Variants in TNS1 observed in about 807,000 individuals in gnomAD.
The protein encoded by TNS1 is tensin-1.
Under a neutral mutation model 168.6 loss-of-function variants are expected in TNS1, and 62 were observed. The observed-to-expected ratio is 0.37, with a 90% CI of 0.30 to 0.45. The LOEUF (loss-of-function observed/expected upper bound fraction) is 0.45. TNS1 is among the 20% of genes least tolerant of loss of function. The pLI, the probability that TNS1 is intolerant of heterozygous loss-of-function variation, is 1.00. For synonymous variants in TNS1, 934 were observed against 933.2 expected (o/e 1.00, Z -0.02); for missense variants, 2,240 against 2,339.4 (o/e 0.96, Z 0.88).
At chr2:218,003,543 C>T (rs1056878386), upstream of TNS1, among the ~76,000 whole-genome samples, 1 of 152,154 alleles carries the variant, frequency 6.6e-6, no homozygotes, top group African/African-American at 2.4e-5. Flanking sequence ...CAGGCCTTAA[C>T]ACAGAAGAAA....
At chr2:217,899,181 G>T (rs1161887875) in intron 7 of TNS1, among the ~76,000 whole-genome samples, 2 of 152,218 alleles carry the variant, frequency 1.3e-5, no homozygotes, top group Non-Finnish European at 2.9e-5. Flanking sequence ...GGGGTGTGGA[G>T]ATGGGGCAGC....
chr2:217,943,835 A>G (rs1417592296), intron 3 of TNS1: 1 of 152,824 alleles, frequency 6.5e-6, no homozygotes, highest in Non-Finnish European at 1.5e-5. Flanking sequence ...ACACACGTAC[A>G]CCATCACACA....
At chr2:217,993,884 G>A (rs911927222) in intron 1 of TNS1, among the ~76,000 whole-genome samples, 1 of 152,222 alleles carries the variant, frequency 6.6e-6, no homozygotes, top group African/African-American at 2.4e-5. Flanking sequence ...AGTTCTGGAG[G>A]GGACAAATGT....
At chr2:217,904,804 G>C (rs544346422) in intron 6 of TNS1, among the ~76,000 whole-genome samples, 35 of 152,352 alleles carry the variant, frequency 2.3e-4, no homozygotes, top group African/African-American at 7.2e-4. Flanking sequence ...ATCTGGCCCA[G>C]ACTGGGGATG....
At chr2:217,950,043 G>C (rs1446104005) in intron 3 of TNS1, among the ~76,000 whole-genome samples, 1 of 152,178 alleles carries the variant, frequency 6.6e-6, no homozygotes, top group Non-Finnish European at 1.5e-5. Context: ...GACCAAAGGA[G>C]ATAAGAATTC....
intron 3 of TNS1, among the ~76,000 whole-genome samples, chr2:217,959,416 T>G (rs1051725167): frequency 6.6e-6 from 1 of 152,146 alleles, no homozygotes; most frequent in Admixed American, 6.5e-5. Context: ...AACCTTAGCA[T>G]GGAACCTGGT....
intron 19 of TNS1, among the ~76,000 whole-genome samples, chr2:217,836,511 C>T (rs904349615): frequency 3.9e-5 from 6 of 152,164 alleles, no homozygotes; most frequent in Admixed American, 3.3e-4. Flanking sequence ...CAACTACTTC[C>T]AACCCCTGGA....
chr2:217,947,872 C>T (rs1289689283), intron 3 of TNS1, among the ~76,000 whole-genome samples: 2 of 152,192 alleles, frequency 1.3e-5, no homozygotes, highest in Non-Finnish European at 2.9e-5. Context: ...ATTTAAGCTC[C>T]TGCCCCGCGC....
chr2:218,010,600 G>A (rs1397363480), upstream of TNS1, among the ~76,000 whole-genome samples: 1 of 151,874 alleles, frequency 6.6e-6, no homozygotes, highest in Non-Finnish European at 1.5e-5. Flanking sequence ...AGCCGCGCGG[G>A]GGAGGCGGGA....
chr2:217,882,615 A>T (rs977606972), intron 16 of TNS1, among the ~76,000 whole-genome samples: 1 of 152,124 alleles, frequency 6.6e-6, no homozygotes, highest in Non-Finnish European at 1.5e-5. Context: ...CCCCTGTCCT[A>T]CTTGCCTGAG....
intron 17 of TNS1, chr2:217,882,085 C>G (rs1377074521): frequency 2.9e-6 from 1 of 345,854 alleles, no homozygotes; most frequent in African/African-American, 2.2e-5. Context: ...CTGAATATAA[C>G]AGGCTGATGA....
At chr2:217,833,220 G>A (rs1248323900) in intron 21 of TNS1, among the ~76,000 whole-genome samples, 2 of 152,198 alleles carry the variant, frequency 1.3e-5, no homozygotes, top group Non-Finnish European at 2.9e-5. Flanking sequence ...TGAAGCGGAC[G>A]AGAGGACCAG....
At chr2:217,992,106 C>T (rs1187876727) in intron 1 of TNS1, among the ~76,000 whole-genome samples, 1 of 152,114 alleles carries the variant, frequency 6.6e-6, no homozygotes, top group East Asian at 1.9e-4. Context: ...CACTGCCCAC[C>T]TTTTGGGCCC....
intron 18 of TNS1, among the ~76,000 whole-genome samples, chr2:217,874,104 A>T (rs2125608714): frequency 6.7e-6 from 1 of 148,786 alleles, no homozygotes; most frequent in South Asian, 2.1e-4. Flanking sequence ...GTTCACCAGC[A>T]CTGGGCGTAT....
chr2:217,853,212 G>A (rs1445091702), intron 18 of TNS1, among the ~76,000 whole-genome samples: 1 of 152,182 alleles, frequency 6.6e-6, no homozygotes, highest in Non-Finnish European at 1.5e-5. Context: ...AGAGAGACGG[G>A]GGCAGAGAGG....
At position 217,835,896 on chromosome 2, in the gene TNS1, AG is replaced by A. The variant is rs1264521669; in HGVS notation, c.3204+118del. 13 of 868,418 alleles carry A rather than the reference AG, an allele frequency of 1.5e-5. No individual in the cohort carries two copies. In the East Asian group the frequency reaches 2.8e-4, roughly 19 times the overall value. The allele number at this position is 868,418 out of a possible 1,614,324, so 53.8% of individuals were successfully genotyped here. A position where few individuals can be genotyped will look rare whatever the true frequency, so the allele number is the denominator to read the frequency against. ...GAGAAGAGAGTTTGGGTGAGGACGTAGGGGGAGACAAATCACTGAGTATACT... is the reference window on the plus strand; with the variant it reads ...GAGAAGAGAGTTTGGGTGAGGACGTAGGGGAGACAAATCACTGAGTATACT... On this transcript the variant is annotated intron_variant, in intron 20 of 32. Coordinates refer to ENST00000682258, the MANE Select transcript of TNS1 (RefSeq NM_001387777.1).
intron 4 of TNS1, among the ~76,000 whole-genome samples, chr2:217,910,865 G>A (rs111410865): frequency 0.02 from 2,999 of 152,146 alleles, 100 homozygotes; most frequent in African/African-American, 0.068. Flanking sequence ...TGAGGTCCAG[G>A]GAGGTCTGAT....
At chr2:217,926,024 T>TA (rs1157448072) in intron 3 of TNS1, among the ~76,000 whole-genome samples, 4 of 152,366 alleles carry the variant, frequency 2.6e-5, no homozygotes, top group Middle Eastern at 3.4e-3. Flanking sequence ...TTTAATGAGA[T>TA]AACTAAGTTA....
intron 30 of TNS1, among the ~76,000 whole-genome samples, chr2:217,809,216 CATGGATGGATGG>C (rs1446633026): frequency 1.0e-4 from 3 of 29,966 alleles, no homozygotes; most frequent in South Asian, 8.5e-4. Context: ...TGGATGGATG[CATGGATGGATGG>C]ATGGATGGAT....
Sources: gnomAD v4.1 joint callset for allele counts (sites outside exome capture counted in the v4.1 genomes callset) on GRCh38, gnomAD v4.1.1 for gene constraint, MANE v1.5 for transcripts, NCBI Gene and HGNC (gene_info 2026-07-23, HGNC 2026-07-21) for gene names.